The following ZFP82 variants were observed in gnomAD, a reference collection of about 807,000 sequenced individuals.
ZFP82 encodes the protein ZFP82 zinc finger protein.
In ZFP82, 30 loss-of-function variants were observed where a neutral mutation model predicts 54.0. The ratio of observed to expected loss-of-function variants is 0.56; its 90% CI spans 0.42 to 0.75. ZFP82 has a LOEUF of 0.75. Among genes scored for constraint, ZFP82 ranks in the 30% least tolerant of loss-of-function variants. The probability of loss-of-function intolerance (pLI) is 0.00; values close to 1 mark genes in which losing one functional copy is unlikely to be tolerated. For missense variants in ZFP82, 500 were observed against 636.8 expected (o/e 0.79, Z 2.31); for synonymous variants, 194 against 209.5 (o/e 0.93, Z 0.64).
At chr19:36,399,307 G>A (rs1290221796) in intron 4 of ZFP82, among the ~76,000 whole-genome samples, 1 of 152,186 alleles carries the variant, frequency 6.6e-6, no homozygotes, top group Non-Finnish European at 1.5e-5. Context: ...GAAGCTAAGG[G>A]TGCCCCACCA....
chr19:36,407,074 CTTT>C (rs35808591), intron 3 of ZFP82, among the ~76,000 whole-genome samples: 3 of 99,754 alleles, frequency 3.0e-5, no homozygotes, highest in African/African-American at 4.1e-5. Context: ...TTTTAATTTT[CTTT>C]TTTTTTTTTT....
intron 4 of ZFP82, among the ~76,000 whole-genome samples, chr19:36,404,492 G>T (rs1018339340): frequency 4.6e-5 from 7 of 152,136 alleles, no homozygotes; most frequent in Non-Finnish European, 1.0e-4. Context: ...GCCTTGGACT[G>T]GTTTTGACTG....
At chr19:36,418,063 AC>A (rs2032703558) in intron 1 of ZFP82, among the ~76,000 whole-genome samples, 1 of 151,774 alleles carries the variant, frequency 6.6e-6, no homozygotes, top group South Asian at 2.1e-4. Context: ...CCACAGGAGC[AC>A]GCCATCACAC....
chr19:36,385,807 T>C (rs1217195769), downstream of ZFP82, among the ~76,000 whole-genome samples: 1 of 152,184 alleles, frequency 6.6e-6, no homozygotes, highest in Non-Finnish European at 1.5e-5. Flanking sequence ...AGGCAGAATT[T>C]AAGAGCAATG....
chr19:36,407,561 T>C (rs1338730008), intron 3 of ZFP82, among the ~76,000 whole-genome samples: 2 of 151,366 alleles, frequency 1.3e-5, no homozygotes, highest in African/African-American at 2.4e-5. Context: ...TTACAAAATA[T>C]ACCAACAAGC....
Position 36,392,977 on chromosome 19 carries a change from AT to A in ZFP82, c.1362del (p.Glu454AspfsTer44). On this transcript the variant is annotated frameshift_variant, in exon 5 of 5. Coordinates refer to ENST00000392161, the MANE Select transcript of ZFP82 (RefSeq NM_133466.4). LOFTEE classifies it high-confidence loss of function. ...HIGEKPYKCKECGKAFRLRQK... is the reference protein window; with the variant it reads ...HIGEKPYKCKXCGKAFRLRQK... ...TGGCGCAATCTAAAGGCCTTGCCAC[AT>A]TCCTTACATTTATAAGGTTTCTCAC... 1 of 1,614,182 alleles carries A rather than the reference AT, an allele frequency of 6.2e-7. No homozygotes were observed. Among genetic ancestry groups the A allele is most frequent in the Non-Finnish European group, 8.5e-7 (1 of 1,180,020 alleles).
chr19:36,393,197 A>G lies in ZFP82; in HGVS notation c.1143T>C (p.Leu381=), dbSNP rs1318218574. 4 of 1,614,112 alleles carry G rather than the reference A, an allele frequency of 2.5e-6. No homozygotes were observed. Among genetic ancestry groups the G allele is most frequent in the Non-Finnish European group, 3.4e-6 (4 of 1,180,002 alleles). Residue 381 remains leucine, a synonymous_variant, in exon 5 of 5, where the codon CTT becomes CTC. Transcript: ENST00000392161. ...CAGTATGAATTCTGTGATGGAGAAT[A>G]AGATGATAACCACGGCTAAAGGTCT... ...CGKTFSRGYH[L]ILHHRIHTGE...
In ZFP82 at chr19:36,393,065, C is replaced by CT; in HGVS notation, c.1274dup (p.Glu426GlyfsTer22). ...GTAGTCTGAAGGCCTTCCCGCATTCCTTACAGTCATAGGGCTTAACACCAA... is the reference window on the plus strand; with the variant it reads ...GTAGTCTGAAGGCCTTCCCGCATTCCTTTACAGTCATAGGGCTTAACACCAA... On this transcript the variant is annotated frameshift_variant, in exon 5 of 5. Transcript: ENST00000392161. LOFTEE classifies it high-confidence loss of function. 6.2e-7 allele frequency: 1 copy of CT among 1,613,972 alleles called. No homozygotes were observed. The highest frequency in any genetic ancestry group is 8.5e-7 in the Non-Finnish European group (1 of 1,179,984).
At chr19:36,405,323 T>G (rs938210769) in intron 4 of ZFP82, among the ~76,000 whole-genome samples, 3 of 150,834 alleles carry the variant, frequency 2.0e-5, no homozygotes, top group African/African-American at 7.3e-5. Flanking sequence ...GAGAGAACAA[T>G]AATAAAAAAG....
intron 4 of ZFP82, chr19:36,395,414 G>A (rs2032276382): frequency 6.6e-6 from 1 of 152,094 alleles, no homozygotes; most frequent in African/African-American, 2.4e-5. Flanking sequence ...TTTCGGACAG[G>A]AAAACACGTC....
At chr19:36,406,406 T>A (rs2145593169) in intron 3 of ZFP82, among the ~76,000 whole-genome samples, 1 of 152,338 alleles carries the variant, frequency 6.6e-6, no homozygotes, top group South Asian at 2.1e-4. Context: ...CAATCCTCAT[T>A]CCTACTCCCA....
downstream of ZFP82, among the ~76,000 whole-genome samples, chr19:36,386,134 C>G (rs573881921): frequency 1.3e-5 from 2 of 152,198 alleles, no homozygotes; most frequent in African/African-American, 4.8e-5. Flanking sequence ...TGAGGCTGCC[C>G]CTTCCATCAC....
Position 36,390,952 on chromosome 19 carries a change from T to C in ZFP82, c.*1789A>G, listed in dbSNP as rs141257184. On this transcript the variant is annotated 3_prime_UTR_variant, in exon 5 of 5. Transcript: ENST00000392161. Reference sequence around the variant, plus strand: ...CCCGGCGAATTTTTTGTATTTTTAGTAGAGATGGGGTTTCACCGTGTTAGC... The same window carrying C: ...CCCGGCGAATTTTTTGTATTTTTAGCAGAGATGGGGTTTCACCGTGTTAGC... The C allele has an allele frequency of 4.5e-4, 68 of 152,386 alleles. No individual in the cohort carries two copies. Among genetic ancestry groups the C allele is most frequent in the African/African-American group, 1.6e-3 (65 of 41,492 alleles). The allele number at this position is 152,386 out of a possible 1,614,324, so 9.4% of individuals were successfully genotyped here.
chr19:36,413,167 T>C (rs571004899), intron 1 of ZFP82, among the ~76,000 whole-genome samples: 13 of 152,268 alleles, frequency 8.5e-5, no homozygotes, highest in African/African-American at 3.1e-4. Flanking sequence ...AACCAACACT[T>C]TGGGAGGCCG....
chr19:36,416,461 A>G (rs192144325), intron 1 of ZFP82, among the ~76,000 whole-genome samples: 139 of 152,352 alleles, frequency 9.1e-4, no homozygotes, highest in South Asian at 1.4e-3. Flanking sequence ...TCTGGTTAAG[A>G]ATTCCTGTTC....
intron 3 of ZFP82, among the ~76,000 whole-genome samples, chr19:36,407,161 C>G (rs1272375333): frequency 6.7e-6 from 1 of 148,980 alleles, no homozygotes; most frequent in South Asian, 2.1e-4. Context: ...ACTGCAAGCT[C>G]CGCCTCCCGG....
rs1005429603 is a variant in ZFP82 at position 36,392,450 on chromosome 19, G to A, written c.*291C>T. On this transcript the variant is annotated 3_prime_UTR_variant, in exon 5 of 5. Transcript: ENST00000392161. ...AACTGCTGCACTCTTATATGACCAT[G>A]TCATAAATTAAAAAATTATAGCACA... 1.4e-5 allele frequency: 4 copies of A among 278,260 alleles called. No homozygotes were observed. The highest frequency in any genetic ancestry group is 2.7e-5 in the Non-Finnish European group (4 of 149,620). 17.2% of individuals were successfully genotyped at this position (278,260 alleles called of 1,614,324 possible).
intron 4 of ZFP82, among the ~76,000 whole-genome samples, chr19:36,398,990 A>T (rs1414444575): frequency 6.6e-6 from 1 of 152,224 alleles, no homozygotes; most frequent in East Asian, 1.9e-4. Flanking sequence ...TAGAAGAATT[A>T]GAGGTAAAAC....
At chr19:36,412,416 GA>G (rs1387673738) in intron 1 of ZFP82, among the ~76,000 whole-genome samples, 3 of 152,130 alleles carry the variant, frequency 2.0e-5, no homozygotes, top group Non-Finnish European at 4.4e-5. Flanking sequence ...TGAACTTGGA[GA>G]AAAAAACTCA....
Sources: gnomAD v4.1 joint callset for allele counts (sites outside exome capture counted in the v4.1 genomes callset) on GRCh38, gnomAD v4.1.1 for gene constraint, MANE v1.5 for transcripts, NCBI Gene and HGNC (gene_info 2026-07-23, HGNC 2026-07-21) for gene names.